Variants in LPIN1 observed in about 807,000 individuals in gnomAD.
The protein encoded by LPIN1 is lipin 1, also known as phosphatidate phosphatase LPIN1.
LPIN1 carries 71 observed loss-of-function variants against 107.5 expected under a neutral mutation model. That is an observed-to-expected ratio of 0.66 (90% confidence interval 0.55 to 0.80). The LOEUF (loss-of-function observed/expected upper bound fraction) is 0.80. LPIN1 is among the 30% of genes least tolerant of loss of function. The pLI is 0.00. For synonymous variants in LPIN1, 445 were observed against 452.6 expected (o/e 0.98, Z 0.21); for missense variants, 1,043 against 1,160.6 (o/e 0.90, Z 1.47).
chr2:11,812,335 G>A (rs987243327), intron 17 of LPIN1, among the ~76,000 whole-genome samples: 2 of 152,174 alleles, frequency 1.3e-5, no homozygotes, highest in Non-Finnish European at 2.9e-5. Context: ...AGATACAGTC[G>A]AATGAAGGAC....
At chr2:11,779,414 A>G in intron 6 of LPIN1, 105 bp from the exon 7 acceptor site, 1 of 1,227,342 alleles carries the variant, frequency 8.1e-7, no homozygotes, top group Non-Finnish European at 1.2e-6. Context: ...AGCGAACGAC[A>G]GCTGGGGGTG....
In LPIN1 at chr2:11,771,649, A is replaced by G. The variant is rs937896136; in HGVS notation, c.566A>G (p.Asp189Gly). Residue 189 changes from aspartate (D) to glycine (G), a missense_variant, in exon 4 of 21, where the codon GAT (aspartate) becomes GGT (glycine). Asp to Gly is a moderately conservative substitution (Grantham distance 94, BLOSUM62 -1). Coordinates refer to ENST00000674199, the MANE Select transcript of LPIN1 (RefSeq NM_001349206.2). The surrounding 1 kb of genome is among the most constrained non-coding windows in gnomAD (Gnocchi z 4.8). ...ATGTTCCCCATCGAGATGAGCTCGG[A>G]TGAGGCCATGGAGCTGCTGGAGAGC... The part of the protein sequence containing the change: ...EDMFPIEMSS[D>G]EAMELLESSR... 8.1e-6 allele frequency: 13 copies of G among 1,598,476 alleles called. No individual in the cohort carries two copies. Among genetic ancestry groups the G allele is most frequent in the Non-Finnish European group, 1.1e-5 (13 of 1,172,736 alleles).
intron 14 of LPIN1, among the ~76,000 whole-genome samples, chr2:11,798,170 T>C (rs1276528984): frequency 3.3e-5 from 5 of 152,198 alleles, no homozygotes. Flanking sequence ...TCCCCAGCCA[T>C]GTGGAACTGT....
At chr2:11,760,310 C>G (rs1420106305) in intron 1 of LPIN1, among the ~76,000 whole-genome samples, 1 of 152,248 alleles carries the variant, frequency 6.6e-6, no homozygotes, top group Non-Finnish European at 1.5e-5. Context: ...AATCTCGGCA[C>G]TTTGGGAGGC....
chr2:11,730,975 C>T (rs545861835), intron 1 of LPIN1, among the ~76,000 whole-genome samples: 7 of 152,284 alleles, frequency 4.6e-5, no homozygotes, highest in East Asian at 3.9e-4. Flanking sequence ...CTGATTAAGA[C>T]GCAGCGGTAG....
At chr2:11,778,043 A>G (rs1672952666) in intron 6 of LPIN1, among the ~76,000 whole-genome samples, 1 of 152,202 alleles carries the variant, frequency 6.6e-6, no homozygotes, top group Admixed American at 6.5e-5. Context: ...TAGACGCTTC[A>G]GTGCCACCAA....
chr2:11,692,557 A>G (rs1018124183), intron 1 of LPIN1, among the ~76,000 whole-genome samples: 1 of 152,222 alleles, frequency 6.6e-6, no homozygotes. Context: ...ATCTTGTGGC[A>G]TAAGTTTCTA....
intron 14 of LPIN1, among the ~76,000 whole-genome samples, chr2:11,796,954 T>G (rs1676830824): frequency 6.6e-6 from 1 of 152,218 alleles, no homozygotes; most frequent in South Asian, 2.1e-4. Flanking sequence ...CTGACACATC[T>G]GAGCAAAGGT....
At chr2:11,805,754 T>G (rs76761838) in intron 17 of LPIN1, among the ~76,000 whole-genome samples, 2 of 152,334 alleles carry the variant, frequency 1.3e-5, no homozygotes, top group East Asian at 3.9e-4. Context: ...CTTACAGAGA[T>G]TCTGAAAAGC....
chr2:11,793,104 C>T (rs375088254), intron 13 of LPIN1, among the ~76,000 whole-genome samples: 26 of 152,304 alleles, frequency 1.7e-4, no homozygotes, highest in African/African-American at 2.6e-4. Flanking sequence ...GATGCCTCAA[C>T]GTATTTCAAA....
Position 11,771,295 on chromosome 2 carries a change from T to C in LPIN1, c.289-77T>C, listed in dbSNP as rs1671797766. ...GGTGCTTGGCCTCTGAAGTGAATCC[T>C]GGAGGCCTCTGGCAAGGCCCTGCTT... is the stretch of plus-strand genomic sequence containing the variant. On this transcript the variant is annotated intron_variant, in intron 3 of 20. Transcript: ENST00000674199. This position sits in a 1 kb window ranked among gnomAD's most constrained non-coding sequence, Gnocchi z 4.8. 6.9e-7 allele frequency: 1 copy of C among 1,442,050 alleles called. No individual in the cohort carries two copies. The highest frequency in any genetic ancestry group is 1.2e-5 in the South Asian group (1 of 86,412). The allele number at this position is 1,442,050 out of a possible 1,614,324, so 89.3% of individuals were successfully genotyped here.
At chr2:11,712,314 G>A (rs191548965) in intron 1 of LPIN1, among the ~76,000 whole-genome samples, 17 of 152,286 alleles carry the variant, frequency 1.1e-4, no homozygotes, top group African/African-American at 4.1e-4. Context: ...CCCTGCAGAG[G>A]CAGTTCAACT....
In LPIN1 at chr2:11,765,736, G is replaced by A; in HGVS notation, c.192+3G>A. 1 of 1,609,240 alleles carries A rather than the reference G, an allele frequency of 6.2e-7. No homozygotes were observed. The highest frequency in any genetic ancestry group is 8.5e-7 in the Non-Finnish European group (1 of 1,176,252). On this transcript the variant is annotated splice_donor_region_variant and intron_variant, in intron 2 of 20. Coordinates refer to ENST00000674199, the MANE Select transcript of LPIN1 (RefSeq NM_001349206.2). The surrounding 1 kb of genome is among the most constrained non-coding windows in gnomAD (Gnocchi z 4.4). ...TCCTGCGCTCCCGAGAGAAAGTGGT[G>A]AGCTCTCAGGGCACGGGGACCTGGC...
intron 13 of LPIN1, among the ~76,000 whole-genome samples, chr2:11,794,495 A>AT (rs1317418708): frequency 1.3e-5 from 2 of 152,218 alleles, no homozygotes; most frequent in Non-Finnish European, 2.9e-5. Context: ...TATATCAATT[A>AT]TTTGTGTGGT....
intron 1 of LPIN1, among the ~76,000 whole-genome samples, chr2:11,734,384 C>T (rs1665575015): frequency 6.6e-6 from 1 of 152,218 alleles, no homozygotes; most frequent in South Asian, 2.1e-4. Flanking sequence ...GAGAAACTCA[C>T]CCTTTTTTAT....
At chr2:11,787,901 A>G (rs1572832993) in intron 11 of LPIN1, among the ~76,000 whole-genome samples, 2 of 151,554 alleles carry the variant, frequency 1.3e-5, no homozygotes, top group African/African-American at 4.9e-5. Flanking sequence ...AGATAGCGCC[A>G]CTGCAGTCTG....
intron 1 of LPIN1, among the ~76,000 whole-genome samples, chr2:11,687,028 T>C (rs1158109544): frequency 1.5e-5 from 2 of 131,734 alleles, no homozygotes; most frequent in African/African-American, 6.0e-5. Context: ...TGAGATGAGG[T>C]CTTGGTGCGT....
Position 11,824,898 on chromosome 2 carries a change from C to A in LPIN1, c.*107C>A. On this transcript the variant is annotated 3_prime_UTR_variant, in exon 21 of 21. Coordinates refer to ENST00000674199, the MANE Select transcript of LPIN1 (RefSeq NM_001349206.2). ...TCCACCTGGGAGCCTGGCGCGTCAT[C>A]ATTGGCCTGACAGCAGAGAGAATTG... The A allele has an allele frequency of 7.8e-7, 1 of 1,283,478 alleles. No individual in the cohort carries two copies. Among genetic ancestry groups the A allele is most frequent in the Non-Finnish European group, 1.1e-6 (1 of 895,976 alleles). 79.5% of individuals were successfully genotyped at this position (1,283,478 alleles called of 1,614,324 possible).
rs774811038 is a variant in LPIN1, at chr2:11,825,757, T to C, written c.*966T>C. The C allele has an allele frequency of 1.3e-5, 2 of 152,276 alleles. No individual in the cohort carries two copies. The highest frequency in any genetic ancestry group is 2.4e-5 in the African/African-American group (1 of 41,466). 9.4% of individuals were successfully genotyped at this position (152,276 alleles called of 1,614,324 possible). ...ACTGGTTGGTTTTAAGAAAATAGTT[T>C]CAAGAAGTTCAACTATATTCTTTTA... On this transcript the variant is annotated 3_prime_UTR_variant, in exon 21 of 21. Transcript: ENST00000674199. The surrounding 1 kb of genome is among the most constrained non-coding windows in gnomAD (Gnocchi z 4.1).
Sources: gnomAD v4.1 joint callset for allele counts (sites outside exome capture counted in the v4.1 genomes callset) on GRCh38, gnomAD v4.1.1 for gene constraint, Gnocchi (gnomAD v3.1) non-coding constraint, MANE v1.5 for transcripts, NCBI Gene and HGNC (gene_info 2026-07-23, HGNC 2026-07-21) for gene names.